The following GRID2 variants were observed in gnomAD, a reference collection of about 807,000 sequenced individuals.
GRID2 encodes the protein glutamate ionotropic receptor delta type subunit 2, also known as glutamate receptor ionotropic, delta-2.
In GRID2, 33 loss-of-function variants were observed where a neutral mutation model predicts 114.8. The ratio of observed to expected loss-of-function variants is 0.29; its 90% confidence interval spans 0.22 to 0.38. GRID2 has a LOEUF of 0.38. GRID2 is among the 10% of genes least tolerant of loss of function. GRID2 has a pLI of 1.00. For missense variants in GRID2, 1,184 were observed against 1,257.7 expected, an observed-to-expected ratio of 0.94 and a Z score of 0.89; for synonymous variants, 505 against 449.9, an observed-to-expected ratio of 1.12 and a Z score of -1.55.
At chr4:92,358,653 A>G (rs1302837032) in intron 1 of GRID2, among the ~76,000 whole-genome samples, 1 of 151,942 alleles carries the variant, frequency 6.6e-6, no homozygotes, top group African/African-American at 2.4e-5. Context: ...CTTTGTGCCA[A>G]TTGCTAGATT....
At chr4:93,578,229 A>G (rs1281500196) in intron 13 of GRID2, among the ~76,000 whole-genome samples, 1 of 152,182 alleles carries the variant, frequency 6.6e-6, no homozygotes, top group Non-Finnish European at 1.5e-5. Context: ...ACATCCACTT[A>G]GAGAGCATTC....
intron 9 of GRID2, among the ~76,000 whole-genome samples, chr4:93,397,471 T>G (rs1765445885): frequency 6.6e-6 from 1 of 152,012 alleles, no homozygotes; most frequent in Admixed American, 6.6e-5. Context: ...TTGTTTTCCT[T>G]TGAGAAAAGA....
At chr4:93,709,789 G>A (rs980464443) in intron 14 of GRID2, among the ~76,000 whole-genome samples, 2 of 151,962 alleles carry the variant, frequency 1.3e-5, no homozygotes, top group Admixed American at 1.3e-4. Flanking sequence ...TCTTCTGACT[G>A]TATGTTTAAA....
chr4:92,761,131 G>T (rs1249225736), intron 2 of GRID2, among the ~76,000 whole-genome samples: 1 of 151,626 alleles, frequency 6.6e-6, no homozygotes, highest in East Asian at 1.9e-4. Context: ...GTAAGAAAAA[G>T]GTTTTCTGGG....
intron 8 of GRID2, among the ~76,000 whole-genome samples, chr4:93,341,893 A>C (rs1406029433): frequency 6.6e-6 from 1 of 152,144 alleles, no homozygotes; most frequent in African/African-American, 2.4e-5. Flanking sequence ...TATTCTTCTA[A>C]ATATATTTTT....
intron 1 of GRID2, among the ~76,000 whole-genome samples, chr4:92,574,568 T>G (rs1727796273): frequency 6.6e-6 from 1 of 152,076 alleles, no homozygotes; most frequent in Admixed American, 6.6e-5. Context: ...AAGGATCTCC[T>G]CTCCTTTATT....
chr4:93,708,746 T>C (rs1238733308), intron 14 of GRID2, among the ~76,000 whole-genome samples: 1 of 151,888 alleles, frequency 6.6e-6, no homozygotes, highest in Non-Finnish European at 1.5e-5. Context: ...TTCCCTTCTT[T>C]CCTTTCTTTC....
In GRID2 at chr4:93,509,889, G is replaced by A. The variant is rs79133154; in HGVS notation, c.1998-5327G>A. Reference sequence around the variant, plus strand: ...GGAAAACTTGTCACCGCACTTCATAGGACAGCTCTCAGCTGCTACAACCAA... The same window carrying A: ...GGAAAACTTGTCACCGCACTTCATAAGACAGCTCTCAGCTGCTACAACCAA... On this transcript the variant is annotated intron_variant, in intron 12 of 15. Coordinates refer to ENST00000282020, the MANE Select transcript of GRID2 (RefSeq NM_001510.4). 5.7e-3 allele frequency among the ~76,000 whole-genome samples: 870 copies of A among 152,246 alleles called. 8 individuals carry two copies. Among genetic ancestry groups the A allele is most frequent in the African/African-American group, 0.02 (836 of 41,562 alleles).
At chr4:93,529,248 A>G (rs1731217625) in intron 13 of GRID2, among the ~76,000 whole-genome samples, 1 of 152,186 alleles carries the variant, frequency 6.6e-6, no homozygotes, top group Non-Finnish European at 1.5e-5. Context: ...CCAAGAATTA[A>G]ATTAATGAGC....
At chr4:93,769,852 C>T (rs996928584) in intron 15 of GRID2, among the ~76,000 whole-genome samples, 1 of 152,088 alleles carries the variant, frequency 6.6e-6, no homozygotes, top group Non-Finnish European at 1.5e-5. Flanking sequence ...AGACTAGCCC[C>T]CCAAAAATAC....
intron 13 of GRID2, among the ~76,000 whole-genome samples, chr4:93,612,292 G>C (rs1026068091): frequency 5.7e-4 from 86 of 150,656 alleles, no homozygotes; most frequent in East Asian, 3.2e-3. Context: ...CTTTTAATTG[G>C]AGAATTTAGT....
chr4:92,322,783 A>G (rs1174767880), intron 1 of GRID2, among the ~76,000 whole-genome samples: 1 of 152,170 alleles, frequency 6.6e-6, no homozygotes, highest in Non-Finnish European at 1.5e-5. Flanking sequence ...CTGATTAAAG[A>G]AACAAATTAT....
rs70940901 is a variant in GRID2, at chr4:92,502,705, CTTTTTTTTTTTTTTT to C, written c.89-87412_89-87398del. ...GCAATGAACTAATGCCATGTGATTT[CTTTTTTTTTTTTTTT>C]TTTTTTTTTTTTTCCTATACGAAGT... On this transcript the variant is annotated intron_variant, in intron 1 of 15. Transcript: ENST00000282020. Among the ~76,000 whole-genome samples, 530 of 63,976 alleles carry C rather than the reference CTTTTTTTTTTTTTTT, an allele frequency of 8.3e-3. 4 individuals are homozygous for C. Among genetic ancestry groups the C allele is most frequent in the Admixed American group, 0.036 (153 of 4,272 alleles). The allele number at this position is 63,976 out of a possible 152,430, so 42.0% of individuals were successfully genotyped here.
chr4:92,758,975 C>T (rs1737858232), intron 2 of GRID2, among the ~76,000 whole-genome samples: 1 of 152,144 alleles, frequency 6.6e-6, no homozygotes, highest in South Asian at 2.1e-4. Flanking sequence ...GGCTAAATTA[C>T]TCTCCTAGGA....
chr4:93,130,177 C>T (rs1390904637), intron 4 of GRID2, among the ~76,000 whole-genome samples: 6 of 152,188 alleles, frequency 3.9e-5, no homozygotes, highest in Non-Finnish European at 5.9e-5. Flanking sequence ...TGGTGGCTCA[C>T]GCCTGTAATC....
At chr4:93,264,834 G>A (rs966755303) in intron 8 of GRID2, among the ~76,000 whole-genome samples, 25 of 150,040 alleles carry the variant, frequency 1.7e-4, no homozygotes, top group African/African-American at 6.1e-4. Flanking sequence ...CCAGGCTGGA[G>A]TGCAGTGGCA....
intron 8 of GRID2, chr4:93,282,275 G>T (rs1752726434): frequency 3.0e-6 from 1 of 331,358 alleles, no homozygotes; most frequent in Non-Finnish European, 6.0e-6. Flanking sequence ...ATCTCAGGTA[G>T]TAAAAACAAT....
At chr4:93,555,142 A>G (rs1470424683) in intron 13 of GRID2, among the ~76,000 whole-genome samples, 2 of 152,070 alleles carry the variant, frequency 1.3e-5, no homozygotes, top group African/African-American at 2.4e-5. Context: ...GGGTGCCTAC[A>G]CCACCAGGGC....
rs536354462 is a variant in GRID2, at chr4:93,177,864, A to G, written c.736-29540A>G. 7.9e-5 allele frequency among the ~76,000 whole-genome samples: 12 copies of G among 152,202 alleles called. 1 individual carries two copies. The highest frequency in any genetic ancestry group is 6.2e-4 in the South Asian group (3 of 4,828). ...CATTTTATAAGTACAGCTGTTTACA[A>G]TGATTACTTTTTCTATATGTTAATG... On this transcript the variant is annotated intron_variant, in intron 4 of 15. Transcript: ENST00000282020.
Sources: gnomAD v4.1 joint callset for allele counts (sites outside exome capture counted in the v4.1 genomes callset) on GRCh38, gnomAD v4.1.1 for gene constraint, MANE v1.5 for transcripts, NCBI Gene and HGNC (gene_info 2026-07-23, HGNC 2026-07-21) for gene names.